Variants in COL11A1 observed in about 807,000 individuals in gnomAD.
COL11A1 encodes collagen alpha-1(XI) chain.
COL11A1 carries 74 observed loss-of-function variants against 265.2 expected under a neutral mutation model. The ratio of observed to expected loss-of-function variants is 0.28; its 90% CI spans 0.23 to 0.34. COL11A1 has a LOEUF of 0.34. COL11A1 is among the 10% of genes least tolerant of loss of function. The pLI, the probability that COL11A1 is intolerant of heterozygous loss-of-function variation, is 1.00. For missense variants in COL11A1, 2,165 were observed against 2,263.6 expected (o/e 0.96, Z 0.88); for synonymous variants, 816 against 727.6 (o/e 1.12, Z -1.96).
rs1310300105 is a variant in COL11A1 at position 102,890,525 on chromosome 1, A to AC, written c.4303-22_4303-21insG. 3.2e-6 allele frequency: 5 copies of AC among 1,586,286 alleles called. No homozygotes were observed. In the African/African-American group the frequency reaches 5.5e-5, roughly 17 times the overall value. On this transcript the variant is annotated intron_variant, in intron 57 of 66. Transcript: ENST00000370096. ...GGTCCCTAAATAATAACAAAAAAAA[A>AC]ACCCCAAAACAAAAACAGAGTAGGT...
Position 102,978,812 on chromosome 1 carries a change from G to T in COL11A1, c.2709+48C>A, listed in dbSNP as rs149239409. The stretch of plus-strand genomic sequence containing the variant: ...AATTCTTTCTCATAGCATCTGCCTG[G>T]AAAAAAAATCTACAGTAACATCCAA... On this transcript the variant is annotated intron_variant, in intron 34 of 66. Transcript: ENST00000370096. The T allele has an allele frequency of 5.4e-3, 8,689 of 1,613,518 alleles. 45 individuals carry two copies. Among genetic ancestry groups the T allele is most frequent in the Middle Eastern group, 0.02 (121 of 6,062 alleles).
chr1:102,898,217 A>C, intron 56 of COL11A1, 39 bp from the exon 57 acceptor site: 2 of 950,144 alleles, frequency 2.1e-6, no homozygotes, highest in Non-Finnish European at 2.8e-6. Context: ...AAAATTAATA[A>C]AATAATACAT....
chr1:102,892,210 T>C (rs1349890903), intron 57 of COL11A1, among the ~76,000 whole-genome samples: 1 of 152,174 alleles, frequency 6.6e-6, no homozygotes, highest in Non-Finnish European at 1.5e-5. Context: ...TTAGCTCAAT[T>C]ATAATTTCAG....
chr1:102,952,649 T>C (rs1390842465), intron 41 of COL11A1, among the ~76,000 whole-genome samples: 2 of 152,212 alleles, frequency 1.3e-5, no homozygotes, highest in Non-Finnish European at 2.9e-5. Context: ...ACAACTGCAA[T>C]TTCTTTTTCT....
chr1:103,108,149 C>G lies in COL11A1; in HGVS notation c.30G>C (p.Thr10=). ...CGGTGAAATCCCAGAGCCACCGTTT[C>G]GTTTTCCACCTAGAGGACCACGGCT... MEPWSSRWK[T]KRWLWDFTVT... is the part of the protein sequence containing the mutation. Residue 10 remains threonine, a synonymous_variant, in exon 1 of 67, where the codon ACG becomes ACC. Transcript: ENST00000370096. 6.2e-7 allele frequency: 1 copy of G among 1,613,828 alleles called. No individual in the cohort carries two copies. Among genetic ancestry groups the G allele is most frequent in the Non-Finnish European group, 8.5e-7 (1 of 1,179,982 alleles).
intron 31 of COL11A1, among the ~76,000 whole-genome samples, chr1:102,980,905 A>G (rs1310829201): frequency 6.6e-6 from 1 of 152,122 alleles, no homozygotes; most frequent in East Asian, 1.9e-4. Context: ...ATTCTCAGGC[A>G]TGTACAGTTG....
intron 1 of COL11A1, among the ~76,000 whole-genome samples, chr1:103,102,270 A>G (rs1465504693): frequency 1.3e-5 from 2 of 152,092 alleles, no homozygotes; most frequent in Non-Finnish European, 2.9e-5. Flanking sequence ...TTAAATTGCA[A>G]GAGAATTTAG....
chr1:102,915,700 C>T lies in COL11A1; in HGVS notation c.3763-16G>A, dbSNP rs1452608529. ...CAGGTTCACCCTATATAGAGAAGAT[C>T]AAATTAGTATTAGAATACAGAGATG... On this transcript the variant is annotated splice_polypyrimidine_tract_variant and intron_variant, in intron 49 of 66. Coordinates refer to ENST00000370096, the MANE Select transcript of COL11A1 (RefSeq NM_001854.4). 1.3e-6 allele frequency: 2 copies of T among 1,586,330 alleles called. No homozygotes were observed. Among genetic ancestry groups the T allele is most frequent in the Admixed American group, 1.7e-5 (1 of 59,790 alleles).
chr1:102,898,212 T>C, intron 56 of COL11A1, 34 bp from the exon 57 acceptor site: 1 of 963,356 alleles, frequency 1.0e-6, no homozygotes, highest in Non-Finnish European at 1.4e-6. Flanking sequence ...TTTTTAAAAT[T>C]AATAAAATAA....
chr1:102,913,654 C>T lies in COL11A1; in HGVS notation c.4015G>A (p.Gly1339Arg), dbSNP rs1191132031. ...DGVGGDKGED[G>R]DPGQPGPPGP... ...TTACTCACCGGTTGACCAGGATCTC[C>T]ATCTTCACCCTTGTCACCACCAACA... Residue 1339 changes from glycine (G) to arginine (R), a missense_variant, in exon 53 of 67, where the codon GGA becomes AGA. Physicochemically the swap from Gly to Arg is moderately radical, Grantham distance 125 (BLOSUM62 -2). Coordinates refer to ENST00000370096, the MANE Select transcript of COL11A1 (RefSeq NM_001854.4). The T allele has an allele frequency of 1.9e-6, 3 of 1,613,494 alleles. No individual in the cohort carries two copies. Among genetic ancestry groups the T allele is most frequent in the Admixed American group, 1.7e-5 (1 of 59,988 alleles).
At chr1:102,888,525 C>G (rs1651305010) in intron 62 of COL11A1, 52 bp downstream of exon 62, 7 of 1,529,282 alleles carry the variant, frequency 4.6e-6, no homozygotes, top group Non-Finnish European at 6.3e-6. Flanking sequence ...AAATCATTGG[C>G]AGCTTCCAGA....
chr1:103,012,344 G>T, intron 14 of COL11A1, 69 bp downstream of exon 14: 1 of 1,128,228 alleles, frequency 8.9e-7, no homozygotes, highest in Non-Finnish European at 1.3e-6. Context: ...ACAATCCCTG[G>T]AAGAAGTTGC....
intron 36 of COL11A1, among the ~76,000 whole-genome samples, chr1:102,974,375 A>G (rs1320333414): frequency 1.3e-5 from 2 of 152,182 alleles, no homozygotes; most frequent in African/African-American, 4.8e-5. Context: ...AAGGGATTAT[A>G]GAGACAGATA....
chr1:103,030,711 A>G (rs74411083), intron 5 of COL11A1, among the ~76,000 whole-genome samples: 8,260 of 152,168 alleles, frequency 0.054, 313 homozygotes, highest in Non-Finnish European at 0.078. Context: ...TTCTAATGTC[A>G]CTTTCTCATT....
chr1:102,978,359 C>A (rs1662703775), intron 35 of COL11A1, among the ~76,000 whole-genome samples: 1 of 152,036 alleles, frequency 6.6e-6, no homozygotes, highest in Admixed American at 6.6e-5. Context: ...GCTCTGTGAA[C>A]AAAATGAGTA....
chr1:102,960,163 T>C (rs1046253664), intron 41 of COL11A1, among the ~76,000 whole-genome samples: 11 of 152,164 alleles, frequency 7.2e-5, no homozygotes, highest in African/African-American at 2.4e-4. Context: ...TTAAAAAATA[T>C]CTTTGCCACA....
chr1:102,939,424 G>C (rs774424091), intron 43 of COL11A1, among the ~76,000 whole-genome samples: 1 of 152,130 alleles, frequency 6.6e-6, no homozygotes, highest in African/African-American at 2.4e-5. Context: ...TACTTTACCA[G>C]CTAGGTTCTG....
intron 1 of COL11A1, among the ~76,000 whole-genome samples, chr1:103,097,876 G>T (rs978576011): frequency 6.6e-6 from 1 of 151,908 alleles, no homozygotes; most frequent in Non-Finnish European, 1.5e-5. Context: ...TAACATAGAA[G>T]ATAGTCATTT....
chr1:102,892,120 A>G (rs1235207167), intron 57 of COL11A1, among the ~76,000 whole-genome samples: 1 of 152,140 alleles, frequency 6.6e-6, no homozygotes, highest in East Asian at 1.9e-4. Context: ...TGCTTGCCGC[A>G]AGTCCTAAGG....
Sources: allele counts gnomAD v4.1 joint callset (sites outside exome capture counted in the v4.1 genomes callset), GRCh38; gene constraint gnomAD v4.1.1; transcripts MANE v1.5; gene names NCBI Gene and HGNC (gene_info 2026-07-23, HGNC 2026-07-21).